The following GALNT8 variants were observed in gnomAD, a reference collection of about 807,000 sequenced individuals.
GALNT8 encodes probable polypeptide N-acetylgalactosaminyltransferase 8.
In GALNT8, 66 loss-of-function variants were observed where a neutral mutation model predicts 62.7. The observed-to-expected ratio is 1.05, with a 90% confidence interval of 0.86 to 1.29. The LOEUF is 1.29. Among genes scored for constraint, GALNT8 ranks in the 50% most tolerant of loss-of-function variants. The pLI is 0.00. For missense variants in GALNT8, 771 were observed against 791.8 expected, an observed-to-expected ratio of 0.97 and a Z score of 0.32; for synonymous variants, 288 against 294.3, an observed-to-expected ratio of 0.98 and a Z score of 0.22.
chr12:4,746,272 C>T lies in GALNT8; in HGVS notation c.1173+14C>T. 1 of 1,394,480 alleles carries T rather than the reference C, an allele frequency of 7.2e-7. No homozygotes were observed. The highest frequency in any genetic ancestry group is 1.0e-6 in the Non-Finnish European group (1 of 979,234). The allele number at this position is 1,394,480 out of a possible 1,614,324, so 86.4% of individuals were successfully genotyped here. A position where few individuals can be genotyped will look rare whatever the true frequency, so the allele number is the denominator to read the frequency against. ...CTTAGCCTGAGGGTGGGTACATTTC[C>T]CTTTTCTTTATGGGACAAAGCAGAA... is the stretch of plus-strand genomic sequence containing the variant. On this transcript the variant is annotated intron_variant, in intron 6 of 10. Coordinates refer to ENST00000252318, the MANE Select transcript of GALNT8 (RefSeq NM_017417.2).
chr12:4,766,240 T>C (rs540620693), intron 10 of GALNT8, among the ~76,000 whole-genome samples: 2 of 152,272 alleles, frequency 1.3e-5, no homozygotes, highest in South Asian at 4.1e-4. Flanking sequence ...AGAAGAAATA[T>C]TGGAGTCTGT....
chr12:4,730,412 A>T (rs1182137092), intron 2 of GALNT8, among the ~76,000 whole-genome samples: 1 of 152,146 alleles, frequency 6.6e-6, no homozygotes. Context: ...AGGGTTCAGT[A>T]TTACTCTTTT....
intron 6 of GALNT8, among the ~76,000 whole-genome samples, chr12:4,754,817 G>A (rs1318928433): frequency 6.6e-6 from 1 of 152,140 alleles, no homozygotes; most frequent in Non-Finnish European, 1.5e-5. Context: ...GGTGATAAAT[G>A]CTGCCAGGAC....
Position 4,726,505 on chromosome 12 carries a change from T to C in GALNT8, c.212-27T>C. On this transcript the variant is annotated intron_variant, in intron 1 of 10. Coordinates refer to ENST00000252318, the MANE Select transcript of GALNT8 (RefSeq NM_017417.2). This position sits in a 1 kb window ranked among gnomAD's most constrained non-coding sequence, Gnocchi z 4.1. ...TAAGGAGGGGCTGAAATGTTTTCTC[T>C]CCCACCCCTGTCCTCTTCATTTGCA... 1 of 1,568,268 alleles carries C rather than the reference T, an allele frequency of 6.4e-7. No homozygotes were observed. Among genetic ancestry groups the C allele is most frequent in the Non-Finnish European group, 8.7e-7 (1 of 1,150,932 alleles).
chr12:4,759,122 C>T (rs1167489326), intron 6 of GALNT8, among the ~76,000 whole-genome samples: 3 of 152,122 alleles, frequency 2.0e-5, no homozygotes, highest in Non-Finnish European at 4.4e-5. Flanking sequence ...CTTATGATAA[C>T]AGTTAATTTT....
At chr12:4,737,698 G>A (rs1399874865) in intron 2 of GALNT8, among the ~76,000 whole-genome samples, 1 of 152,148 alleles carries the variant, frequency 6.6e-6, no homozygotes, top group Non-Finnish European at 1.5e-5. Context: ...ACCCTGAAGA[G>A]GTGTTTAGGT....
At chr12:4,741,644 A>G (rs1311428665) in intron 3 of GALNT8, among the ~76,000 whole-genome samples, 11 of 152,076 alleles carry the variant, frequency 7.2e-5, no homozygotes, top group Non-Finnish European at 1.6e-4. Context: ...TGTAGATAAG[A>G]CTTAATTCAG....
intron 2 of GALNT8, among the ~76,000 whole-genome samples, chr12:4,734,924 A>G (rs140773542): frequency 5.2e-4 from 79 of 152,326 alleles, no homozygotes; most frequent in African/African-American, 1.9e-3. Context: ...ATGCCTGCCA[A>G]CATACATGTT....
intron 2 of GALNT8, among the ~76,000 whole-genome samples, chr12:4,736,698 G>A (rs894633695): frequency 2.6e-5 from 4 of 151,870 alleles, no homozygotes; most frequent in Non-Finnish European, 5.9e-5. Flanking sequence ...GTTACCAATT[G>A]AATAAATAAA....
chr12:4,745,715 A>G (rs1946295853), intron 5 of GALNT8, 89 bp downstream of exon 5: 2 of 933,680 alleles, frequency 2.1e-6, no homozygotes, highest in Non-Finnish European at 3.4e-6. Flanking sequence ...GGTGGTAGTA[A>G]TTGGGGTGAC....
At chr12:4,721,889 G>C (rs1946171744) in intron 1 of GALNT8, among the ~76,000 whole-genome samples, 1 of 152,214 alleles carries the variant, frequency 6.6e-6, no homozygotes, top group Non-Finnish European at 1.5e-5. Flanking sequence ...CCTAGGCAGA[G>C]GTCCCTGTGG....
In GALNT8 at chr12:4,726,487, G is replaced by T; in HGVS notation, c.212-45G>T. The T allele has an allele frequency of 7.2e-7, 1 of 1,396,788 alleles. No homozygotes were observed. Among genetic ancestry groups the T allele is most frequent in the Non-Finnish European group, 9.9e-7 (1 of 1,006,386 alleles). The allele number at this position is 1,396,788 out of a possible 1,614,324, so 86.5% of individuals were successfully genotyped here. A position where few individuals can be genotyped will look rare whatever the true frequency, so the allele number is the denominator to read the frequency against. On this transcript the variant is annotated intron_variant, in intron 1 of 10. Transcript: ENST00000252318. This position sits in a 1 kb window ranked among gnomAD's most constrained non-coding sequence, Gnocchi z 4.1. ...AAGGAATACCCAGGTAACTAAGGAG[G>T]GGCTGAAATGTTTTCTCTCCCACCC...
At chr12:4,768,000 A>G (rs188873084) in intron 10 of GALNT8, among the ~76,000 whole-genome samples, 202 of 152,314 alleles carry the variant, frequency 1.3e-3, no homozygotes, top group African/African-American at 4.6e-3. Context: ...TTTTTAATTT[A>G]ATAAATTAAA....
Position 4,739,190 on chromosome 12 carries a change from A to G in GALNT8, c.537A>G (p.Gln179=), listed in dbSNP as rs776904195. 1 of 1,612,586 alleles carries G rather than the reference A, an allele frequency of 6.2e-7. No homozygotes were observed. Among genetic ancestry groups the G allele is most frequent in the South Asian group, 1.1e-5 (1 of 90,944 alleles). The stretch of plus-strand genomic sequence containing the variant: ...GTCTTCGGAAGACATATCCTTCCCA[A>G]CTCCCATCCCTCAGTGTCATTCTCA... ...YRCLRKTYPS[Q]LPSLSVILIF... The change falls in exon 3 of 11, where the codon CAA becomes CAG. Residue 179 remains glutamine, a synonymous_variant. Coordinates refer to ENST00000252318, the MANE Select transcript of GALNT8 (RefSeq NM_017417.2).
Position 4,744,551 on chromosome 12 carries a change from G to A in GALNT8, c.711G>A (p.Lys237=), listed in dbSNP as rs923683613. The A allele has an allele frequency of 2.5e-6, 4 of 1,612,594 alleles. No homozygotes were observed. Among genetic ancestry groups the A allele is most frequent in the Non-Finnish European group, 1.7e-6 (2 of 1,179,050 alleles). The part of the protein sequence containing the change: ...ELKVHLDEKI[K]LYNQKYPGLL... ...AGGTACACTTGGATGAGAAGATTAA[G>A]CTTTACAACCAGAAGTATCCAGGAC... Residue 237 remains lysine, a synonymous_variant, in exon 4 of 11, where the codon AAG becomes AAA. Transcript: ENST00000252318.
chr12:4,764,530 A>AT (rs58809573), intron 9 of GALNT8, among the ~76,000 whole-genome samples: 1,332 of 102,050 alleles, frequency 0.013, 86 homozygotes, highest in African/African-American at 0.033. Flanking sequence ...CAGTCAGGGG[A>AT]TTTTTTTTTT....
At chr12:4,742,422 A>G (rs1354335556) in intron 3 of GALNT8, among the ~76,000 whole-genome samples, 6 of 152,234 alleles carry the variant, frequency 3.9e-5, no homozygotes, top group Non-Finnish European at 8.8e-5. Context: ...GGAAAATTTC[A>G]CAATCAACAA....
chr12:4,765,261 C>T, intron 9 of GALNT8, 118 bp from the exon 10 acceptor site: 2 of 813,798 alleles, frequency 2.5e-6, no homozygotes, highest in Non-Finnish European at 3.7e-6. Context: ...CTTGGTGTGA[C>T]TGGGTGTCTA....
In GALNT8 at chr12:4,726,818, G is replaced by A. The variant is rs777402461; in HGVS notation, c.498G>A (p.Thr166=). The A allele has an allele frequency of 2.1e-5, 34 of 1,611,614 alleles. No homozygotes were observed. The highest frequency in any genetic ancestry group is 2.8e-5 in the Non-Finnish European group (33 of 1,178,578). Reference sequence around the variant, plus strand: ...CTCTCAATCGCACCATCCCCGACACGCGAGACTACAGGTGGGATGAACCAG... The same window carrying A: ...CTCTCAATCGCACCATCCCCGACACACGAGACTACAGGTGGGATGAACCAG... ...QLPLNRTIPD[T]RDYRCLRKTY... The change falls in exon 2 of 11, where the codon ACG becomes ACA. Residue 166 remains threonine (T), a synonymous_variant. Coordinates refer to ENST00000252318, the MANE Select transcript of GALNT8 (RefSeq NM_017417.2). The surrounding 1 kb of genome is among the most constrained non-coding windows in gnomAD (Gnocchi z 4.1).
Sources: allele counts gnomAD v4.1 joint callset (sites outside exome capture counted in the v4.1 genomes callset), GRCh38; gene constraint gnomAD v4.1.1; non-coding constraint Gnocchi (gnomAD v3.1); transcripts MANE v1.5; gene names NCBI Gene and HGNC (gene_info 2026-07-23, HGNC 2026-07-21).